GRAMD1B: variants seen among roughly 807,000 people sequenced by gnomAD.
GRAMD1B encodes the protein protein Aster-B.
A neutral mutation model predicts 99.7 loss-of-function variants in GRAMD1B; 37 were observed. The observed-to-expected ratio is 0.37, with a 90% confidence interval of 0.29 to 0.49. The LOEUF (loss-of-function observed/expected upper bound fraction) is 0.49. Ranked by LOEUF, GRAMD1B falls within the 20% of genes least tolerant of loss-of-function variation. GRAMD1B has a pLI of 0.98. For missense variants in GRAMD1B, 888 were observed against 1,009.2 expected (o/e 0.88, Z 1.63); for synonymous variants, 427 against 387.6 (o/e 1.10, Z -1.19).
At chr11:123,555,391 G>C (rs558932149) in intron 2 of GRAMD1B, among the ~76,000 whole-genome samples, 4 of 152,188 alleles carry the variant, frequency 2.6e-5, no homozygotes, top group Admixed American at 2.0e-4. Context: ...CTCTGTCACC[G>C]AGGCTGGGGT....
rs556421622 is a variant in GRAMD1B at position 123,624,632 on chromosome 11, A to G, written c.*2037A>G. ...AGGCTCATGGGCTCTGAGCCAAAGAAGGAGGCATGGTGCAGACTGCTGGAA... is the reference window on the plus strand; with the variant it reads ...AGGCTCATGGGCTCTGAGCCAAAGAGGGAGGCATGGTGCAGACTGCTGGAA... On this transcript the variant is annotated 3_prime_UTR_variant, in exon 20 of 20. Transcript: ENST00000635736. 1.3e-5 allele frequency: 2 copies of G among 152,356 alleles called. No homozygotes were observed. Among genetic ancestry groups the G allele is most frequent in the East Asian group, 3.9e-4 (2 of 5,184 alleles). 9.4% of individuals were successfully genotyped at this position (152,356 alleles called of 1,614,324 possible).
At position 123,612,790 on chromosome 11, in the gene GRAMD1B, A is replaced by T; in HGVS notation, c.1949A>T (p.Gln650Leu). Residue 650 changes from glutamine to leucine, a missense_variant, in exon 15 of 20, where the codon CAG becomes CTG. By Grantham distance (113) the Gln-to-Leu change is moderately radical. Transcript: ENST00000635736. ...TCCACAGAGCTGCGCTATCGAAAAC[A>T]GCCCTGGGGGTTAGTGAAAACGTTC... ...RVSTELRYRK[Q>L]PWGLVKTFIE... is the part of the protein sequence containing the mutation. 6.2e-7 allele frequency: 1 copy of T among 1,611,112 alleles called. No individual in the cohort carries two copies.
chr11:123,367,483 C>T (rs966718230), intron 1 of GRAMD1B, among the ~76,000 whole-genome samples: 7 of 152,046 alleles, frequency 4.6e-5, no homozygotes, highest in African/African-American at 9.7e-5. Flanking sequence ...GTGATCCAGA[C>T]GGAGAAGGGT....
intron 2 of GRAMD1B, among the ~76,000 whole-genome samples, chr11:123,567,866 G>A (rs1947567905): frequency 6.6e-6 from 1 of 152,228 alleles, no homozygotes; most frequent in African/African-American, 2.4e-5. Flanking sequence ...GGTAACTGAA[G>A]TGCTACTTTT....
intron 1 of GRAMD1B, among the ~76,000 whole-genome samples, chr11:123,461,531 A>G (rs1239610961): frequency 6.6e-6 from 1 of 152,210 alleles, no homozygotes; most frequent in Non-Finnish European, 1.5e-5. Flanking sequence ...GCCTTGGCAC[A>G]CTGCTCTGTC....
intron 1 of GRAMD1B, among the ~76,000 whole-genome samples, chr11:123,435,957 T>C (rs1025635264): frequency 7.4e-5 from 11 of 149,048 alleles, no homozygotes; most frequent in African/African-American, 2.5e-4. Context: ...TTTTTTTTTT[T>C]TTTGAGACGG....
At chr11:123,452,529 T>C (rs2846057) in intron 1 of GRAMD1B, among the ~76,000 whole-genome samples, 149,852 of 152,180 alleles carry the variant, frequency 0.98, 73,790 homozygotes, top group East Asian at 1. Context: ...ACCTGTAATT[T>C]CAGCTACTCG....
At chr11:123,483,417 G>A (rs548112610) in intron 2 of GRAMD1B, among the ~76,000 whole-genome samples, 1 of 145,778 alleles carries the variant, frequency 6.9e-6, no homozygotes, top group African/African-American at 2.5e-5. Context: ...TTGAGATAGG[G>A]TCTCTGTCAC....
intron 1 of GRAMD1B, among the ~76,000 whole-genome samples, chr11:123,448,340 C>T (rs1949731657): frequency 6.9e-6 from 1 of 145,948 alleles, no homozygotes; most frequent in Non-Finnish European, 1.5e-5. Flanking sequence ...GCAACCTTTG[C>T]CTCCTGGGTT....
upstream of GRAMD1B, among the ~76,000 whole-genome samples, chr11:123,426,512 C>T (rs1384410521): frequency 1.3e-5 from 2 of 152,214 alleles, no homozygotes; most frequent in Non-Finnish European, 1.5e-5. Flanking sequence ...GTCCGTATTT[C>T]CAGCTTCCCT....
intron 1 of GRAMD1B, among the ~76,000 whole-genome samples, chr11:123,445,294 T>C (rs1949587606): frequency 6.6e-6 from 1 of 152,178 alleles, no homozygotes; most frequent in South Asian, 2.1e-4. Flanking sequence ...CAATCTGCCT[T>C]AATCTAGAGA....
chr11:123,571,461 A>T (rs964458335), intron 2 of GRAMD1B, among the ~76,000 whole-genome samples: 2 of 152,170 alleles, frequency 1.3e-5, no homozygotes, highest in Non-Finnish European at 2.9e-5. Flanking sequence ...GCTAGACCTA[A>T]CTATAGGAGG....
At chr11:123,402,747 A>G (rs1388696726) in intron 1 of GRAMD1B, among the ~76,000 whole-genome samples, 1 of 152,168 alleles carries the variant, frequency 6.6e-6, no homozygotes, top group Non-Finnish European at 1.5e-5. Context: ...CGGAATCCCA[A>G]TGTTCTAGCT....
At chr11:123,578,440 C>T in intron 3 of GRAMD1B, 4 of 1,523,124 alleles carry the variant, frequency 2.6e-6, no homozygotes, top group Non-Finnish European at 3.5e-6. Context: ...AGTAAGCCAT[C>T]TTTTGTCTCT....
chr11:123,451,004 C>A (rs1258725387), intron 1 of GRAMD1B, among the ~76,000 whole-genome samples: 1 of 152,058 alleles, frequency 6.6e-6, no homozygotes, highest in Non-Finnish European at 1.5e-5. Context: ...TTAAACTGGG[C>A]TCCAAGAAGG....
intron 1 of GRAMD1B, among the ~76,000 whole-genome samples, chr11:123,445,784 A>G (rs867331618): frequency 7.1e-6 from 1 of 139,942 alleles, no homozygotes. Flanking sequence ...GTGCCAGTGC[A>G]CTTCAGCCTG....
intron 7 of GRAMD1B, chr11:123,599,385 G>T: frequency 1.5e-6 from 1 of 680,266 alleles, no homozygotes; most frequent in South Asian, 1.4e-5. Context: ...CATCTCTTTG[G>T]CCATGACATC....
In GRAMD1B at chr11:123,591,186, C is replaced by A. The variant is rs967390904; in HGVS notation, c.685-2896C>A. On this transcript the variant is annotated intron_variant, in intron 4 of 19. Transcript: ENST00000635736. The surrounding 1 kb of genome is among the most constrained non-coding windows in gnomAD (Gnocchi z 4.7). ...GTCCTGAGAACCACGCTGACCACCT[C>A]GGCTCACTTGTGAAGCTTCATGCTG... 1.3e-5 allele frequency: 5 copies of A among 373,866 alleles called. No homozygotes were observed. The South Asian group carries it at 4.4e-4, about 33-fold the overall frequency. The allele number at this position is 373,866 out of a possible 1,614,324, so 23.2% of individuals were successfully genotyped here.
At chr11:123,392,398 C>T (rs1364030382) in intron 1 of GRAMD1B, among the ~76,000 whole-genome samples, 1 of 151,602 alleles carries the variant, frequency 6.6e-6, no homozygotes. Flanking sequence ...GCCATCCTCT[C>T]TTTTCTTTGG....
Sources: allele counts gnomAD v4.1 joint callset (sites outside exome capture counted in the v4.1 genomes callset), GRCh38; gene constraint gnomAD v4.1.1; non-coding constraint Gnocchi (gnomAD v3.1); transcripts MANE v1.5; gene names NCBI Gene and HGNC (gene_info 2026-07-23, HGNC 2026-07-21).